NRXN2: variants seen among roughly 807,000 people sequenced by gnomAD.
NRXN2 encodes neurexin-2-beta.
Under a neutral mutation model 128.8 loss-of-function variants are expected in NRXN2, and 29 were observed. That is an observed-to-expected ratio of 0.23 (90% CI 0.17 to 0.31). The LOEUF (loss-of-function observed/expected upper bound fraction) is 0.31, where lower values mean the gene tolerates loss of function less well. Among genes scored for constraint, NRXN2 ranks in the 10% least tolerant of loss-of-function variants. NRXN2 has a pLI of 1.00. For missense variants in NRXN2, 1,881 were observed against 2,452.6 expected, an observed-to-expected ratio of 0.77 and a Z score of 4.92; for synonymous variants, 1,098 against 1,075.2, an observed-to-expected ratio of 1.02 and a Z score of -0.41.
intron 2 of NRXN2, among the ~76,000 whole-genome samples, chr11:64,702,240 G>A (rs536191965): frequency 2.1e-5 from 3 of 145,448 alleles, no homozygotes; most frequent in South Asian, 4.5e-4. Flanking sequence ...GCCTCTGCCC[G>A]GCCGCCCCTA....
chr11:64,649,494 C>G (rs948011889), intron 15 of NRXN2, among the ~76,000 whole-genome samples: 1 of 152,252 alleles, frequency 6.6e-6, no homozygotes, highest in African/African-American at 2.4e-5. Flanking sequence ...AGTCAAGACA[C>G]TGGTCAGTCT....
intron 6 of NRXN2, among the ~76,000 whole-genome samples, chr11:64,682,606 T>C (rs1244557840): frequency 6.6e-6 from 1 of 152,226 alleles, no homozygotes; most frequent in East Asian, 1.9e-4. Context: ...TTATCCAAGC[T>C]GGGCAGGAGG....
At chr11:64,680,158 G>A (rs1424537218) in intron 6 of NRXN2, among the ~76,000 whole-genome samples, 3 of 152,138 alleles carry the variant, frequency 2.0e-5, no homozygotes, top group Non-Finnish European at 4.4e-5. Flanking sequence ...AATTCACCAG[G>A]CAGAAAGGAG....
At chr11:64,637,022 G>C (rs953394121) in intron 17 of NRXN2, among the ~76,000 whole-genome samples, 1 of 152,104 alleles carries the variant, frequency 6.6e-6, no homozygotes, top group Non-Finnish European at 1.5e-5. Flanking sequence ...ATTGTTGCCT[G>C]GTTCCCAAAG....
chr11:64,661,596 A>C (rs2049041554), intron 9 of NRXN2, among the ~76,000 whole-genome samples: 1 of 152,176 alleles, frequency 6.6e-6, no homozygotes, highest in South Asian at 2.1e-4. Context: ...TTTTCCCCCC[A>C]CAAACATTTA....
Position 64,651,729 on chromosome 11 carries a change from C to A in NRXN2, c.2537-93G>T. The A allele has an allele frequency of 7.2e-7, 1 of 1,381,904 alleles. No individual in the cohort carries two copies. The highest frequency in any genetic ancestry group is 2.3e-5 in the East Asian group (1 of 43,338). 85.6% of individuals were successfully genotyped at this position (1,381,904 alleles called of 1,614,324 possible). The stretch of plus-strand genomic sequence containing the variant: ...GAGCCTCCCCTCCACAGGAGGGCCA[C>A]CCATGAGTGACATCTTTAGAGATGT... On this transcript the variant is annotated intron_variant, in intron 13 of 22. Transcript: ENST00000265459. The surrounding 1 kb of genome is among the most constrained non-coding windows in gnomAD (Gnocchi z 5.9).
rs756937022 is a variant in NRXN2 at position 64,667,573 on chromosome 11, A to G, written c.1475T>C (p.Leu492Pro). Residue 492 changes from leucine to proline, a missense_variant, in exon 9 of 23, where the codon CTG (leucine) becomes CCG (proline). By Grantham distance (98) the Leu-to-Pro change is moderately conservative (BLOSUM62 -3). Around this residue, in one of 7 missense-constraint regions of NRXN2, gnomAD observed 997 missense variants for 1,240.8 expected, o/e 0.80. Coordinates refer to ENST00000265459, the MANE Select transcript of NRXN2 (RefSeq NM_015080.4). The surrounding 1 kb of genome is among the most constrained non-coding windows in gnomAD (Gnocchi z 5.6). ...GGGACTCTCAAAGGTCACAGGGTCC[A>G]GGGCAGCCACATCCTCACAGCGGAA... Reference protein sequence around the residue: ...LSFRCEDVAALDPVTFESPEA... With the variant: ...LSFRCEDVAAPDPVTFESPEA... The G allele has an allele frequency of 1.2e-6, 2 of 1,614,234 alleles. No homozygotes were observed. The highest frequency in any genetic ancestry group is 2.2e-5 in the South Asian group (2 of 91,086).
intron 2 of NRXN2, among the ~76,000 whole-genome samples, chr11:64,701,937 C>T (rs1292644291): frequency 1.1e-4 from 15 of 140,846 alleles, no homozygotes; most frequent in Admixed American, 6.2e-4. Context: ...CCAGCCGCCC[C>T]GTCCAGGAGG....
rs759047742 is a variant in NRXN2 at position 64,635,331 on chromosome 11, G to A, written c.3525C>T (p.Ser1175=). The change falls in exon 18 of 23, where the codon AGC becomes AGT. Residue 1175 remains serine, a synonymous_variant. Coordinates refer to ENST00000265459, the MANE Select transcript of NRXN2 (RefSeq NM_015080.4). The surrounding 1 kb of genome is among the most constrained non-coding windows in gnomAD (Gnocchi z 4.8). The part of the protein sequence containing the change: ...LAVGFSTHQR[S]AVLVRVDSAS... ...CGCTGTCCACCCGCACCAGCACAGC[G>A]CTCCGCTGGTGGGTGCTGAAGCCCA... The A allele has an allele frequency of 3.0e-5, 49 of 1,613,404 alleles. 1 individual carries two copies. Among genetic ancestry groups the A allele is most frequent in the Admixed American group, 2.8e-4 (17 of 60,008 alleles).
intron 17 of NRXN2, among the ~76,000 whole-genome samples, chr11:64,645,890 C>T (rs2046576968): frequency 1.3e-5 from 2 of 152,154 alleles, no homozygotes; most frequent in South Asian, 2.1e-4. Context: ...GGCCTGCCTG[C>T]GCCCCCAGGG....
chr11:64,694,191 C>G (rs1027100967), intron 3 of NRXN2, among the ~76,000 whole-genome samples: 14 of 152,164 alleles, frequency 9.2e-5, no homozygotes, highest in African/African-American at 2.9e-4. Context: ...ACCTCAGAGC[C>G]CCCCCAGCCC....
intron 22 of NRXN2, among the ~76,000 whole-genome samples, chr11:64,611,659 A>G (rs1321093416): frequency 2.0e-5 from 3 of 152,160 alleles, no homozygotes; most frequent in African/African-American, 7.2e-5. Context: ...TTCCCTAGCT[A>G]AGCCCTTGGG....
chr11:64,684,467 C>T (rs981604775), intron 6 of NRXN2, among the ~76,000 whole-genome samples: 5 of 152,060 alleles, frequency 3.3e-5, no homozygotes, highest in African/African-American at 1.2e-4. Context: ...AGTAGGAGCC[C>T]GGCTGCAACA....
Position 64,657,283 on chromosome 11 carries a change from C to T in NRXN2, c.2389+3049G>A, listed in dbSNP as rs559205322. Among the ~76,000 whole-genome samples, 10 of 152,292 alleles carry T rather than the reference C, an allele frequency of 6.6e-5. No homozygotes were observed. The East Asian group carries it at 1.5e-3, about 24-fold the overall frequency. ...TGGGCCAGGAGGCTGAAGGAGGTGA[C>T]GCCTTGTGGTTCAGAGATTCTTTAC... On this transcript the variant is annotated intron_variant, in intron 11 of 22. Transcript: ENST00000265459.
At chr11:64,684,690 G>A (rs2052771878) in intron 6 of NRXN2, among the ~76,000 whole-genome samples, 1 of 152,178 alleles carries the variant, frequency 6.6e-6, no homozygotes, top group Non-Finnish European at 1.5e-5. Flanking sequence ...GACAGGAGGA[G>A]AGACAAGGAA....
chr11:64,694,080 C>T (rs896749593), intron 3 of NRXN2, among the ~76,000 whole-genome samples: 5 of 152,168 alleles, frequency 3.3e-5, no homozygotes, highest in Non-Finnish European at 5.9e-5. Context: ...CCAACAGGCA[C>T]CAGCCAAGGA....
intron 9 of NRXN2, among the ~76,000 whole-genome samples, chr11:64,665,747 C>T (rs139473604): frequency 6.6e-6 from 1 of 152,230 alleles, no homozygotes; most frequent in Non-Finnish European, 1.5e-5. Flanking sequence ...CGGAGGAGCA[C>T]AAAAATTTAG....
intron 11 of NRXN2, among the ~76,000 whole-genome samples, chr11:64,656,939 C>T (rs897854773): frequency 2.6e-5 from 4 of 152,134 alleles, no homozygotes; most frequent in African/African-American, 9.7e-5. Context: ...GCAAATATCC[C>T]ATCTCTTGAG....
At chr11:64,686,451 T>C (rs1049383704) in intron 5 of NRXN2, among the ~76,000 whole-genome samples, 1 of 152,178 alleles carries the variant, frequency 6.6e-6, no homozygotes, top group East Asian at 1.9e-4. Context: ...GGAGACAGTT[T>C]CAGCCTCACC....
Sources: gnomAD v4.1 joint callset for allele counts (sites outside exome capture counted in the v4.1 genomes callset) on GRCh38, gnomAD v4.1.1 for gene constraint, gnomAD v4.1.1 regional missense constraint, Gnocchi (gnomAD v3.1) non-coding constraint, MANE v1.5 for transcripts, NCBI Gene and HGNC (gene_info 2026-07-23, HGNC 2026-07-21) for gene names.